DHX34: variants seen among roughly 807,000 people sequenced by gnomAD.
The protein encoded by DHX34 is DExH-box helicase 34.
Under a neutral mutation model 111.1 loss-of-function variants are expected in DHX34, and 96 were observed. That is an observed-to-expected ratio of 0.86 (90% CI 0.73 to 1.02). The LOEUF (loss-of-function observed/expected upper bound fraction) is 1.02. Ranked by LOEUF, DHX34 falls within the 50% of genes least tolerant of loss-of-function variation. The probability of loss-of-function intolerance (pLI) is 0.00; values close to 1 mark genes in which losing one functional copy is unlikely to be tolerated. For missense variants in DHX34, 1,560 were observed against 1,579.9 expected (o/e 0.99, Z 0.21); for synonymous variants, 688 against 670.4 (o/e 1.03, Z -0.41).
chr19:47,371,482 G>A (rs1322271647), intron 7 of DHX34, among the ~76,000 whole-genome samples: 1 of 152,212 alleles, frequency 6.6e-6, no homozygotes, highest in Non-Finnish European at 1.5e-5. Flanking sequence ...TCACGGCGAG[G>A]TGGGGCCACT....
chr19:47,376,990 G>A (rs766164300), intron 12 of DHX34, 110 bp from the exon 13 acceptor site: 27 of 1,572,270 alleles, frequency 1.7e-5, no homozygotes, highest in South Asian at 9.3e-5. Flanking sequence ...AAGCCATGCC[G>A]TAAGCATACT....
intron 2 of DHX34, 106 bp from the exon 3 acceptor site, chr19:47,354,933 C>T (rs1193476315): frequency 1.4e-5 from 21 of 1,532,484 alleles, no homozygotes; most frequent in African/African-American, 6.9e-5. Flanking sequence ...GGATTACAGG[C>T]GTGAGCCACC....
chr19:47,375,459 C>T lies in DHX34; in HGVS notation c.2065-7C>T. 1 of 1,580,488 alleles carries T rather than the reference C, an allele frequency of 6.3e-7. No homozygotes were observed. The highest frequency in any genetic ancestry group is 8.5e-7 in the Non-Finnish European group (1 of 1,170,914). On this transcript the variant is annotated splice_region_variant and splice_polypyrimidine_tract_variant and intron_variant, in intron 9 of 16. Coordinates refer to ENST00000328771, the MANE Select transcript of DHX34 (RefSeq NM_014681.6). ...TGAGGCCCTCACCCCTACCCACCTG[C>T]CCCTAGGAGCTGTTGGAGGACCACG...
intron 7 of DHX34, among the ~76,000 whole-genome samples, chr19:47,371,611 G>A (rs998018713): frequency 2.0e-5 from 3 of 152,118 alleles, no homozygotes; most frequent in Non-Finnish European, 4.4e-5. Context: ...TGTTTGTTTG[G>A]TTTTTGAGAC....
intron 4 of DHX34, among the ~76,000 whole-genome samples, chr19:47,358,389 A>G (rs770561364): frequency 1.5e-4 from 23 of 151,668 alleles, no homozygotes; most frequent in African/African-American, 2.2e-4. Context: ...TGTCACAGCT[A>G]CTCAGCCCCA....
chr19:47,363,961 A>G (rs1969712157), intron 6 of DHX34, among the ~76,000 whole-genome samples: 1 of 152,160 alleles, frequency 6.6e-6, no homozygotes, highest in African/African-American at 2.4e-5. Flanking sequence ...CATGATTTGT[A>G]TCTCATTTGT....
rs1002810615 is a variant in DHX34 at position 47,380,078 on chromosome 19, C to T, written c.2982+93C>T. On this transcript the variant is annotated intron_variant, in intron 14 of 16. Transcript: ENST00000328771. Reference sequence around the variant, plus strand: ...TCGGGAAGGCCTGGCTTCCCATTCACTCCACATGGGCACATTTGGGGGTTT... The same window carrying T: ...TCGGGAAGGCCTGGCTTCCCATTCATTCCACATGGGCACATTTGGGGGTTT... The T allele has an allele frequency of 1.6e-5, 24 of 1,466,694 alleles. No homozygotes were observed. In the South Asian group the frequency reaches 2.3e-4, roughly 14 times the overall value. The allele number at this position is 1,466,694 out of a possible 1,614,324, so 90.9% of individuals were successfully genotyped here. A position where few individuals can be genotyped will look rare whatever the true frequency, so the allele number is the denominator to read the frequency against.
At chr19:47,354,694 A>C (rs1018532283) in intron 2 of DHX34, among the ~76,000 whole-genome samples, 2 of 152,118 alleles carry the variant, frequency 1.3e-5, no homozygotes, top group African/African-American at 4.8e-5. Flanking sequence ...CTTGTTGCCC[A>C]GGCTGGAGTG....
rs780640647 is a variant in DHX34 at position 47,362,583 on chromosome 19, A to T, written c.1483A>T (p.Thr495Ser). The T allele has an allele frequency of 1.2e-6, 2 of 1,613,626 alleles. No homozygotes were observed. Among genetic ancestry groups the T allele is most frequent in the Non-Finnish European group, 1.7e-6 (2 of 1,179,902 alleles). Reference sequence around the variant, plus strand: ...GCAGCGGAAGGGCCGGGCGGGCCGCACGGGCCCCGGAGTCTGCTTCCGCCT... The same window carrying T: ...GCAGCGGAAGGGCCGGGCGGGCCGCTCGGGCCCCGGAGTCTGCTTCCGCCT... ...AEQRKGRAGR[T>S]GPGVCFRLYA... is the part of the protein sequence containing the mutation. Residue 495 changes from threonine (T) to serine (S), a missense_variant, in exon 6 of 17, where the codon ACG becomes TCG. Thr to Ser is a moderately conservative substitution (Grantham distance 58). Transcript: ENST00000328771.
rs1222543835 is a variant in DHX34, at chr19:47,359,952, C to A, written c.1273-16C>A. On this transcript the variant is annotated splice_polypyrimidine_tract_variant and intron_variant, in intron 4 of 16. Transcript: ENST00000328771. ...GCTGAGTTAGTTCCTGACACCACCC[C>A]CTCCCTTCCTCCCAGGTATTTGATG... 6.2e-7 allele frequency: 1 copy of A among 1,614,008 alleles called. No homozygotes were observed. Among genetic ancestry groups the A allele is most frequent in the Non-Finnish European group, 8.5e-7 (1 of 1,179,944 alleles).
rs919068718 is a variant in DHX34, at chr19:47,375,547, C to T, written c.2146C>T (p.Arg716Trp). ...GDSYSRLQQRRERRALHQLKR... is the reference protein window; with the variant it reads ...GDSYSRLQQRWERRALHQLKR... ...CAGCTACAGTCGGTTGCAGCAGCGC[C>T]GGGAGCGCCGGGCCCTGCACCAGCT... The change falls in exon 10 of 17, where the codon CGG (arginine) becomes TGG (tryptophan). Residue 716 changes from arginine to tryptophan, a missense_variant. By Grantham distance (101) the Arg-to-Trp change is moderately radical. Transcript: ENST00000328771. The T allele has an allele frequency of 4.8e-5, 75 of 1,551,438 alleles. No individual in the cohort carries two copies. The highest frequency in any genetic ancestry group is 2.4e-4 in the East Asian group (10 of 41,744).
chr19:47,378,852 G>C (rs544713004), intron 13 of DHX34, among the ~76,000 whole-genome samples: 3 of 151,520 alleles, frequency 2.0e-5, no homozygotes, highest in Non-Finnish European at 1.5e-5. Context: ...ATAATAAGCC[G>C]GGCATGGTGG....
At chr19:47,364,695 A>G (rs189757834) in intron 6 of DHX34, among the ~76,000 whole-genome samples, 82 of 152,284 alleles carry the variant, frequency 5.4e-4, no homozygotes, top group Non-Finnish European at 9.4e-4. Flanking sequence ...CCTTGATTGC[A>G]TCACTGCACT....
rs1969900309 is a variant in DHX34 at position 47,369,453 on chromosome 19, T to A, written c.1768+2298T>A. On this transcript the variant is annotated intron_variant, in intron 7 of 16. Coordinates refer to ENST00000328771, the MANE Select transcript of DHX34 (RefSeq NM_014681.6). ...CACAGCTCCTGGCCCATTCATTAAA[T>A]AATTTTTGAGCACCTGCTCTGTGCC... is the stretch of plus-strand genomic sequence containing the variant. Among the ~76,000 whole-genome samples the A allele has an allele frequency of 2.0e-5, 3 of 152,320 alleles. No individual in the cohort carries two copies. The South Asian group carries it at 6.2e-4, about 32-fold the overall frequency.
intron 8 of DHX34, 30 bp downstream of exon 8, chr19:47,372,953 G>A: frequency 4.4e-6 from 6 of 1,373,418 alleles, no homozygotes; most frequent in Non-Finnish European, 5.8e-6. Context: ...CCCTCTGTCT[G>A]TCACCCTGCT....
chr19:47,365,647 G>A (rs577916594), intron 6 of DHX34, among the ~76,000 whole-genome samples: 4 of 152,298 alleles, frequency 2.6e-5, no homozygotes, highest in Admixed American at 1.3e-4. Context: ...GCAGGTGGAC[G>A]CCAGAACTTC....
chr19:47,351,361 T>C (rs190713751), intron 1 of DHX34, among the ~76,000 whole-genome samples: 91 of 151,654 alleles, frequency 6.0e-4, no homozygotes, highest in African/African-American at 2.2e-3. Context: ...GCTAATTTTT[T>C]TTCTCCAGCC....
At chr19:47,359,148 C>G (rs373278019) in intron 4 of DHX34, among the ~76,000 whole-genome samples, 1 of 152,000 alleles carries the variant, frequency 6.6e-6, no homozygotes, top group Non-Finnish European at 1.5e-5. Flanking sequence ...GCTGGGCTGT[C>G]GGAGGAGGGA....
intron 1 of DHX34, 56 bp downstream of exon 1, chr19:47,349,408 G>T (rs1172756831): frequency 6.6e-6 from 1 of 152,510 alleles, no homozygotes; most frequent in Non-Finnish European, 1.5e-5. Context: ...GGCTGTCGGA[G>T]TTGGGCCGCT....
Sources: allele counts gnomAD v4.1 joint callset (sites outside exome capture counted in the v4.1 genomes callset), GRCh38; gene constraint gnomAD v4.1.1; transcripts MANE v1.5; gene names NCBI Gene and HGNC (gene_info 2026-07-23, HGNC 2026-07-21).